The following STAG1 variants were observed in gnomAD, a reference collection of about 807,000 sequenced individuals.
STAG1 encodes the protein cohesin subunit SA-1.
Under a neutral mutation model 170.9 loss-of-function variants are expected in STAG1, and 26 were observed. That is an observed-to-expected ratio of 0.15 (90% CI 0.11 to 0.21). The LOEUF (loss-of-function observed/expected upper bound fraction) is 0.21, where lower values mean the gene tolerates loss of function less well. Among genes scored for constraint, STAG1 ranks in the 10% least tolerant of loss-of-function variants. STAG1 has a pLI of 1.00. For missense variants in STAG1, 964 were observed against 1,509.5 expected (o/e 0.64, Z 5.99); for synonymous variants, 514 against 497.7 (o/e 1.03, Z -0.44).
At chr3:136,652,405 TAGGC>T (rs1941248766) in intron 1 of STAG1, among the ~76,000 whole-genome samples, 1 of 152,214 alleles carries the variant, frequency 6.6e-6, no homozygotes, top group South Asian at 2.1e-4. Context: ...TGATAATACT[TAGGC>T]AGGATAAACT....
chr3:136,540,848 A>G (rs866985299), intron 6 of STAG1, among the ~76,000 whole-genome samples: 2 of 147,598 alleles, frequency 1.4e-5, no homozygotes, highest in Non-Finnish European at 3.0e-5. Flanking sequence ...AAAAAAAAAA[A>G]AAAACCTATA....
chr3:136,676,429 A>G (rs1942130934), intron 1 of STAG1, among the ~76,000 whole-genome samples: 1 of 152,168 alleles, frequency 6.6e-6, no homozygotes, highest in East Asian at 1.9e-4. Context: ...AAACAAACAC[A>G]TTGTCTGGAT....
At chr3:136,542,539 A>C (rs561702659) in intron 5 of STAG1, among the ~76,000 whole-genome samples, 1 of 152,232 alleles carries the variant, frequency 6.6e-6, no homozygotes, top group East Asian at 1.9e-4. Flanking sequence ...GCAGTTTGGT[A>C]AATGTCTGCC....
chr3:136,614,569 T>C (rs780588204), intron 3 of STAG1, among the ~76,000 whole-genome samples: 24 of 152,232 alleles, frequency 1.6e-4, no homozygotes, highest in Non-Finnish European at 2.8e-4. Context: ...TGTTCCTATA[T>C]AAAAATGATG....
At chr3:136,745,718 G>A (rs978440568) in intron 1 of STAG1, among the ~76,000 whole-genome samples, 7 of 152,152 alleles carry the variant, frequency 4.6e-5, no homozygotes, top group Non-Finnish European at 1.0e-4. Flanking sequence ...AGTGGTTGGG[G>A]ACCCTTGATT....
At chr3:136,396,047 T>A (rs954240813) in intron 22 of STAG1, among the ~76,000 whole-genome samples, 1 of 152,040 alleles carries the variant, frequency 6.6e-6, no homozygotes, top group African/African-American at 2.4e-5. Context: ...GAATTACAGA[T>A]GTGCGCCATG....
intron 1 of STAG1, among the ~76,000 whole-genome samples, chr3:136,661,564 G>C (rs1023927123): frequency 6.6e-6 from 1 of 151,972 alleles, no homozygotes. Flanking sequence ...GTTTAGACTT[G>C]GGTTCCATCC....
At chr3:136,608,213 T>C (rs547241341) in intron 3 of STAG1, among the ~76,000 whole-genome samples, 1 of 150,426 alleles carries the variant, frequency 6.6e-6, no homozygotes, top group Non-Finnish European at 1.5e-5. Flanking sequence ...GAGCTGAAAT[T>C]GCACCATTGT....
At chr3:136,441,762 T>C (rs540234345) in intron 15 of STAG1, among the ~76,000 whole-genome samples, 78 of 152,150 alleles carry the variant, frequency 5.1e-4, no homozygotes, top group Non-Finnish European at 3.4e-4. Context: ...AGGGACTCAA[T>C]AGAACAGTAT....
rs143863583 is a variant in STAG1, at chr3:136,654,166, T to C, written c.-83-23185A>G. Among the ~76,000 whole-genome samples the C allele has an allele frequency of 1.1e-4, 17 of 152,194 alleles. No homozygotes were observed. The East Asian group carries it at 3.3e-3, about 29-fold the overall frequency. On this transcript the variant is annotated intron_variant, in intron 1 of 33. Coordinates refer to ENST00000383202, the MANE Select transcript of STAG1 (RefSeq NM_005862.3). ...ATTAGGCAAGAAAAAGAAATTAAAA[T>C]AAAAGCAACCAAATTGAAATGAAAG...
intron 1 of STAG1, among the ~76,000 whole-genome samples, chr3:136,666,696 T>G (rs1941792094): frequency 6.6e-6 from 1 of 151,936 alleles, no homozygotes; most frequent in Non-Finnish European, 1.5e-5. Context: ...GGTGGGCACC[T>G]GTAATCCCAG....
chr3:136,578,819 TC>T (rs1363989034), intron 4 of STAG1, among the ~76,000 whole-genome samples: 1 of 152,106 alleles, frequency 6.6e-6, no homozygotes, highest in East Asian at 1.9e-4. Flanking sequence ...TGTGGTTATT[TC>T]CCCACTTCCA....
intron 1 of STAG1, among the ~76,000 whole-genome samples, chr3:136,634,983 G>T (rs960081394): frequency 6.6e-6 from 1 of 152,112 alleles, no homozygotes; most frequent in African/African-American, 2.4e-5. Flanking sequence ...ACGAGACACT[G>T]AATCAGTTAT....
intron 1 of STAG1, among the ~76,000 whole-genome samples, chr3:136,692,243 G>A (rs908604786): frequency 2.1e-5 from 3 of 145,820 alleles, no homozygotes; most frequent in African/African-American, 7.8e-5. Flanking sequence ...AAAATCAGGA[G>A]GAAGAGGCTG....
intron 1 of STAG1, among the ~76,000 whole-genome samples, chr3:136,643,800 C>A (rs1478261883): frequency 1.3e-5 from 2 of 152,092 alleles, no homozygotes; most frequent in East Asian, 3.9e-4. Flanking sequence ...TGAGCCACTG[C>A]GCCAAGCCTG....
chr3:136,339,820 T>A (rs1935890472), intron 32 of STAG1, among the ~76,000 whole-genome samples: 1 of 152,220 alleles, frequency 6.6e-6, no homozygotes, highest in Non-Finnish European at 1.5e-5. Flanking sequence ...TCACCTATGG[T>A]TAAGTCCATA....
chr3:136,525,895 G>C (rs1559859274), intron 6 of STAG1, among the ~76,000 whole-genome samples: 1 of 152,170 alleles, frequency 6.6e-6, no homozygotes, highest in African/African-American at 2.4e-5. Flanking sequence ...TTTCCATGTA[G>C]TTGAGCAGTT....
At chr3:136,734,807 ATAAG>A (rs1282642996) in intron 1 of STAG1, among the ~76,000 whole-genome samples, 1 of 152,188 alleles carries the variant, frequency 6.6e-6, no homozygotes, top group East Asian at 1.9e-4. Context: ...CACACATATA[ATAAG>A]TACTCACAAA....
At chr3:136,665,313 T>C (rs1941719661) in intron 1 of STAG1, among the ~76,000 whole-genome samples, 1 of 152,174 alleles carries the variant, frequency 6.6e-6, no homozygotes, top group South Asian at 2.1e-4. Flanking sequence ...ATATGGATCA[T>C]GGAAGCCAGA....
Sources: allele counts gnomAD v4.1 joint callset (sites outside exome capture counted in the v4.1 genomes callset), GRCh38; gene constraint gnomAD v4.1.1; transcripts MANE v1.5; gene names NCBI Gene and HGNC (gene_info 2026-07-23, HGNC 2026-07-21).